Variants in PLAC9 observed in about 807,000 individuals in gnomAD.
The protein encoded by PLAC9 is placenta associated 9.
A neutral mutation model predicts 11.5 loss-of-function variants in PLAC9; 12 were observed. The observed-to-expected ratio is 1.05, with a 90% CI of 0.67 to 1.69. PLAC9 has a LOEUF of 1.69. Among genes scored for constraint, PLAC9 ranks in the 40% most tolerant of loss-of-function variants. The probability of loss-of-function intolerance (pLI) is 0.00; values close to 1 mark genes in which losing one functional copy is unlikely to be tolerated. For missense variants in PLAC9, 132 were observed against 130.5 expected, an observed-to-expected ratio of 1.01 and a Z score of -0.06; for synonymous variants, 62 against 58.1, an observed-to-expected ratio of 1.07 and a Z score of -0.31.
intron 1 of PLAC9, among the ~76,000 whole-genome samples, chr10:80,136,336 G>A (rs1341559578): frequency 1.3e-5 from 2 of 152,188 alleles, no homozygotes; most frequent in African/African-American, 4.8e-5. Flanking sequence ...GGGAGGAAAG[G>A]AAGGAAGGGA....
chr10:80,133,041 A>G (rs914967608), intron 1 of PLAC9, among the ~76,000 whole-genome samples: 1 of 152,238 alleles, frequency 6.6e-6, no homozygotes, highest in African/African-American at 2.4e-5. Context: ...TAAAGGAGAT[A>G]GGGAAGAATA....
intron 2 of PLAC9, 57 bp from the exon 3 acceptor site, chr10:80,144,166 A>G: frequency 6.2e-7 from 1 of 1,613,112 alleles, no homozygotes; most frequent in South Asian, 1.1e-5. Flanking sequence ...GACCTAGCTG[A>G]TGAAGCGGAA....
intron 2 of PLAC9, 104 bp downstream of exon 2, chr10:80,142,283 C>A: frequency 2.2e-6 from 2 of 923,344 alleles, no homozygotes; most frequent in Non-Finnish European, 1.6e-6. Flanking sequence ...GACATCCGGG[C>A]CGATCCTGCC....
rs755528140 is a variant in PLAC9, at chr10:80,135,315, C to T, written c.64+2489C>T. The stretch of plus-strand genomic sequence containing the variant: ...GGGATTACAGGTGTGAGCCACTGCG[C>T]CCGGCCTTTTTTTTTTTTTTTTTTT... On this transcript the variant is annotated intron_variant, in intron 1 of 3. Transcript: ENST00000372263. 3.7e-5 allele frequency among the ~76,000 whole-genome samples: 5 copies of T among 135,738 alleles called. No homozygotes were observed. The South Asian group carries it at 7.4e-4, about 20-fold the overall frequency. 89.0% of individuals were successfully genotyped at this position (135,738 alleles called of 152,430 possible).
intron 1 of PLAC9, among the ~76,000 whole-genome samples, chr10:80,140,971 C>T (rs537622605): frequency 4.6e-5 from 7 of 152,280 alleles, no homozygotes; most frequent in African/African-American, 9.6e-5. Flanking sequence ...TGGACACATC[C>T]TTTCACCCTT....
intron 1 of PLAC9, among the ~76,000 whole-genome samples, chr10:80,140,598 G>C (rs1456989691): frequency 2.0e-5 from 3 of 152,154 alleles, no homozygotes; most frequent in African/African-American, 7.2e-5. Flanking sequence ...TGCCCCACAG[G>C]CATCTCAGGG....
chr10:80,139,671 G>A (rs979691838), intron 1 of PLAC9, among the ~76,000 whole-genome samples: 1 of 151,864 alleles, frequency 6.6e-6, no homozygotes. Flanking sequence ...TGATGGACTG[G>A]CTCTCAAAAA....
At chr10:80,136,906 C>G (rs759812137) in intron 1 of PLAC9, among the ~76,000 whole-genome samples, 2 of 152,174 alleles carry the variant, frequency 1.3e-5, no homozygotes, top group Non-Finnish European at 2.9e-5. Flanking sequence ...CAGGCCTACC[C>G]TACCCCATTT....
intron 1 of PLAC9, among the ~76,000 whole-genome samples, chr10:80,136,744 T>C (rs1016564477): frequency 1.3e-5 from 2 of 151,918 alleles, no homozygotes; most frequent in African/African-American, 4.8e-5. Flanking sequence ...AACTTCTGGC[T>C]TCAAGCGATC....
Position 80,132,755 on chromosome 10 carries a change from C to A in PLAC9, c.-8C>A. On this transcript the variant is annotated 5_prime_UTR_variant, in exon 1 of 4. Transcript: ENST00000372263. ...AGACGCGGCGCTGCGCTCGGCCAGG[C>A]CGGCACCATGCGGCCCCTGCTCTGC... The A allele has an allele frequency of 1.4e-6, 2 of 1,471,798 alleles. No homozygotes were observed. The highest frequency in any genetic ancestry group is 1.3e-5 in the South Asian group (1 of 75,802). The allele number at this position is 1,471,798 out of a possible 1,614,324, so 91.2% of individuals were successfully genotyped here.
Position 80,144,575 on chromosome 10 carries a change from C to A in PLAC9, c.283+232C>A, listed in dbSNP as rs549435868. ...GTGTCAAATGAGGTTCTGGAAGAGC[C>A]GGCCCTAGATGCCATCTCAGCACAA... On this transcript the variant is annotated intron_variant, in intron 3 of 3. Coordinates refer to ENST00000372263, the MANE Select transcript of PLAC9 (RefSeq NM_001012973.3). 2.6e-3 allele frequency among the ~76,000 whole-genome samples: 396 copies of A among 151,704 alleles called. 1 individual carries two copies. The highest frequency in any genetic ancestry group is 3.9e-3 in the Non-Finnish European group (265 of 67,862).
intron 1 of PLAC9, among the ~76,000 whole-genome samples, chr10:80,137,744 A>G (rs891804029): frequency 3.9e-5 from 6 of 151,966 alleles, no homozygotes; most frequent in African/African-American, 1.2e-4. Context: ...GTGAAATCCT[A>G]TCTCTACAAA....
At chr10:80,136,188 G>A (rs575219314) in intron 1 of PLAC9, among the ~76,000 whole-genome samples, 6 of 152,308 alleles carry the variant, frequency 3.9e-5, no homozygotes, top group South Asian at 4.1e-4. Context: ...CCACAGCAGC[G>A]TGTTCTCACC....
At chr10:80,133,902 C>T (rs1589402370) in intron 1 of PLAC9, among the ~76,000 whole-genome samples, 1 of 150,030 alleles carries the variant, frequency 6.7e-6, no homozygotes, top group African/African-American at 2.4e-5. Flanking sequence ...CGAGATCAAG[C>T]CACCGCAATC....
At chr10:80,144,488 C>G (rs1022127968) in intron 3 of PLAC9, 145 bp downstream of exon 3, 5 of 1,220,404 alleles carry the variant, frequency 4.1e-6, no homozygotes, top group Non-Finnish European at 5.5e-6. Context: ...GGAAGCGGGA[C>G]GGCATCATCC....
rs1356336049 is a variant in PLAC9, at chr10:80,144,236, C to T, written c.176C>T (p.Thr59Ile). 6.2e-7 allele frequency: 1 copy of T among 1,614,132 alleles called. No individual in the cohort carries two copies. Among genetic ancestry groups the T allele is most frequent in the Non-Finnish European group, 8.5e-7 (1 of 1,180,018 alleles). The change falls in exon 3 of 4, where the codon ACC becomes ATC. Residue 59 changes from threonine (T) to isoleucine (I), a missense_variant. Coordinates refer to ENST00000372263, the MANE Select transcript of PLAC9 (RefSeq NM_001012973.3). ...TTCCCACTCTAGATGGTAGAGAAGA[C>T]CGTGGATCACCTGGGGACAGAGGTG... is the stretch of plus-strand genomic sequence containing the variant. The part of the protein sequence containing the change: ...LDVMEEMVEK[T>I]VDHLGTEVKG...
chr10:80,132,623 G>A (rs1844924925), upstream of PLAC9: 1 of 612,538 alleles, frequency 1.6e-6, no homozygotes, highest in Non-Finnish European at 2.6e-6. Context: ...GGAGGGGGCG[G>A]GTTCTCTCGA....
intron 1 of PLAC9, among the ~76,000 whole-genome samples, chr10:80,139,647 A>G (rs967393191): frequency 2.6e-5 from 4 of 152,078 alleles, no homozygotes; most frequent in Non-Finnish European, 5.9e-5. Context: ...CAAGTCCCTT[A>G]CCTAGTGGTG....
chr10:80,139,163 A>G (rs1845012119), intron 1 of PLAC9, among the ~76,000 whole-genome samples: 1 of 152,040 alleles, frequency 6.6e-6, no homozygotes, highest in Admixed American at 6.5e-5. Flanking sequence ...CGTGTTAGCC[A>G]GGATGGTCTC....
Sources: allele counts gnomAD v4.1 joint callset (sites outside exome capture counted in the v4.1 genomes callset), GRCh38; gene constraint gnomAD v4.1.1; transcripts MANE v1.5; gene names NCBI Gene and HGNC (gene_info 2026-07-23, HGNC 2026-07-21).